Variants in AKAP19 observed in about 807,000 individuals in gnomAD.
AKAP19 encodes the protein small A-kinase anchoring protein.
chr2:190,152,562 G>C, the AKAP19 span, among the ~76,000 whole-genome samples: 5 of 152,256 alleles, frequency 3.3e-5, no homozygotes, highest in South Asian at 1.0e-3. Context: ...CCCCTAATAA[G>C]AATAGCACTT....
chr2:190,004,596 G>C, the AKAP19 span, among the ~76,000 whole-genome samples: 1 of 121,708 alleles, frequency 8.2e-6, no homozygotes. Context: ...TTTTTTTTTT[G>C]AGAGCAACAT....
At chr2:189,930,400 G>A in the AKAP19 span, 1 of 314,732 alleles carries the variant, frequency 3.2e-6, no homozygotes. Context: ...AATTGGGGCT[G>A]GGCGCGGTGG....
At chr2:190,021,900 C>T in the AKAP19 span, among the ~76,000 whole-genome samples, 43,784 of 151,946 alleles carry the variant, frequency 0.29, 7,426 homozygotes, top group African/African-American at 0.48. Flanking sequence ...TCTTACATTA[C>T]GGAGGCCAAG....
the AKAP19 span, chr2:190,057,239 T>C: frequency 2.2e-5 from 36 of 1,612,700 alleles, no homozygotes; most frequent in African/African-American, 3.6e-4. Context: ...TAGGAAGTTA[T>C]GAACGCTTAA....
At chr2:190,063,014 C>A in the AKAP19 span, among the ~76,000 whole-genome samples, 16 of 152,014 alleles carry the variant, frequency 1.1e-4, no homozygotes, top group Non-Finnish European at 1.9e-4. Flanking sequence ...TCTTACTAAT[C>A]CTCACACAAC....
At chr2:189,937,905 T>A in the AKAP19 span, among the ~76,000 whole-genome samples, 1 of 152,212 alleles carries the variant, frequency 6.6e-6, no homozygotes, top group Non-Finnish European at 1.5e-5. Context: ...ATTCCACTGC[T>A]CTCTGTATAC....
At chr2:189,953,618 G>C in the AKAP19 span, among the ~76,000 whole-genome samples, 1 of 124,282 alleles carries the variant, frequency 8.0e-6, no homozygotes, top group Non-Finnish European at 1.6e-5. Flanking sequence ...TGGGTGACAA[G>C]AGTGAAACTC....
chr2:189,999,585 CT>C, the AKAP19 span, among the ~76,000 whole-genome samples: 3 of 152,114 alleles, frequency 2.0e-5, no homozygotes, highest in African/African-American at 7.2e-5. Flanking sequence ...TTTCTTTAGA[CT>C]TTTTTTGTAA....
the AKAP19 span, among the ~76,000 whole-genome samples, chr2:189,999,944 C>T: frequency 6.6e-6 from 1 of 152,164 alleles, no homozygotes; most frequent in East Asian, 1.9e-4. Flanking sequence ...CTGCATGCAA[C>T]GGAAGTTGCT....
At chr2:190,005,226 C>A in the AKAP19 span, among the ~76,000 whole-genome samples, 1 of 152,270 alleles carries the variant, frequency 6.6e-6, no homozygotes, top group Non-Finnish European at 1.5e-5. Flanking sequence ...TGCAGGGAGA[C>A]CTGACCAGGT....
chr2:189,913,051 A>G, the AKAP19 span, among the ~76,000 whole-genome samples: 1 of 152,200 alleles, frequency 6.6e-6, no homozygotes, highest in African/African-American at 2.4e-5. Context: ...TTCATCTTGA[A>G]TAAGCAAATG....
chr2:190,001,769 C>T, the AKAP19 span, among the ~76,000 whole-genome samples: 5 of 152,242 alleles, frequency 3.3e-5, no homozygotes, highest in African/African-American at 4.8e-5. Flanking sequence ...TCCACAGGAC[C>T]CTTTTAGTCT....
the AKAP19 span, among the ~76,000 whole-genome samples, chr2:190,008,704 T>C: frequency 6.6e-6 from 1 of 150,882 alleles, no homozygotes; most frequent in Admixed American, 6.7e-5. Flanking sequence ...TTCTTGGCTA[T>C]GTCAGTGAAT....
the AKAP19 span, among the ~76,000 whole-genome samples, chr2:190,179,416 G>GA: frequency 3.4e-4 from 49 of 145,356 alleles, no homozygotes; most frequent in African/African-American, 4.8e-4. This position sits in a 1 kb window ranked among gnomAD's most constrained non-coding sequence, Gnocchi z 6.0. Flanking sequence ...TCAAAAAAAA[G>GA]AAAAAAAAAA....
At chr2:190,184,666 C>A in the AKAP19 span, among the ~76,000 whole-genome samples, 1 of 152,132 alleles carries the variant, frequency 6.6e-6, no homozygotes, top group Admixed American at 6.6e-5. Context: ...ACGGCTTCCC[C>A]TATCCTCAAA....
the AKAP19 span, among the ~76,000 whole-genome samples, chr2:189,986,386 A>G: frequency 6.6e-6 from 1 of 151,770 alleles, no homozygotes; most frequent in South Asian, 2.1e-4. Flanking sequence ...AAACAAAAAC[A>G]AACAACAAAA....
chr2:189,949,836 T>C, the AKAP19 span, among the ~76,000 whole-genome samples: 1 of 151,474 alleles, frequency 6.6e-6, no homozygotes, highest in Admixed American at 6.6e-5. Context: ...TTCACCATGT[T>C]GTCCAGGATG....
chr2:190,161,694 G>T, the AKAP19 span, among the ~76,000 whole-genome samples: 1 of 152,170 alleles, frequency 6.6e-6, no homozygotes, highest in African/African-American at 2.4e-5. Context: ...GAACTGAGGA[G>T]TAGAAGTATT....
At chr2:189,906,234 A>G in the AKAP19 span, among the ~76,000 whole-genome samples, 2 of 152,116 alleles carry the variant, frequency 1.3e-5, no homozygotes, top group Admixed American at 6.6e-5. Context: ...ATTTGAACCT[A>G]TATCTCAATT....
Sources: allele counts gnomAD v4.1 joint callset (sites outside exome capture counted in the v4.1 genomes callset), GRCh38; gene constraint gnomAD v4.1.1; non-coding constraint Gnocchi (gnomAD v3.1); transcripts MANE v1.5; gene names NCBI Gene and HGNC (gene_info 2026-07-23, HGNC 2026-07-21).